SP110: variants seen among roughly 807,000 people sequenced by gnomAD.
SP110 encodes the protein interferon-induced protein 41, 30kD.
In SP110, 62 loss-of-function variants were observed where a neutral mutation model predicts 92.7. That is an observed-to-expected ratio of 0.67 (90% confidence interval 0.55 to 0.83). The LOEUF (loss-of-function observed/expected upper bound fraction) is 0.83, where lower values mean the gene tolerates loss of function less well. Among genes scored for constraint, SP110 ranks in the 40% least tolerant of loss-of-function variants. The pLI is 0.00. For missense variants in SP110, 793 were observed against 863.9 expected, an observed-to-expected ratio of 0.92 and a Z score of 1.03; for synonymous variants, 273 against 305.3, an observed-to-expected ratio of 0.89 and a Z score of 1.10.
chr2:230,212,287 C>T (rs540636383), intron 5 of SP110, 60 bp downstream of exon 5: 117 of 1,253,388 alleles, frequency 9.3e-5, no homozygotes, highest in South Asian at 8.4e-4. Context: ...GGTTGGCAGA[C>T]GCATGTTCTC....
In SP110 at chr2:230,170,773, A is replaced by G; in HGVS notation, c.1888-12T>C. The G allele has an allele frequency of 6.2e-7, 1 of 1,613,962 alleles. No homozygotes were observed. Among genetic ancestry groups the G allele is most frequent in the Non-Finnish European group, 8.5e-7 (1 of 1,179,914 alleles). ...CCGTAATCTCGAATCTTGGGGACAA[A>G]GCCACCAGAGGTGACGTTAGCACAG... On this transcript the variant is annotated splice_polypyrimidine_tract_variant and intron_variant, in intron 17 of 18. Transcript: ENST00000258381.
At position 230,211,451 on chromosome 2, in the gene SP110, T is replaced by C. The variant is rs180811113; in HGVS notation, c.751+19A>G. On this transcript the variant is annotated intron_variant, in intron 6 of 18. Coordinates refer to ENST00000258381, the MANE Select transcript of SP110 (RefSeq NM_080424.4). This position sits in a 1 kb window ranked among gnomAD's most constrained non-coding sequence, Gnocchi z 4.2. The stretch of plus-strand genomic sequence containing the variant: ...ACAGAAACAAAGGCAAGCTTTTAGG[T>C]TGACCAAACCAAGATTACCTGGCAT... The C allele has an allele frequency of 6.2e-5, 93 of 1,507,632 alleles. No homozygotes were observed. The highest frequency in any genetic ancestry group is 7.8e-5 in the Non-Finnish European group (84 of 1,083,006). 93.4% of individuals were successfully genotyped at this position (1,507,632 alleles called of 1,614,324 possible). A position where few individuals can be genotyped will look rare whatever the true frequency, so the allele number is the denominator to read the frequency against.
chr2:230,223,594 T>C (rs778126048), upstream of SP110, among the ~76,000 whole-genome samples: 1 of 152,224 alleles, frequency 6.6e-6, no homozygotes, highest in South Asian at 2.1e-4. Context: ...GGTTGAATTA[T>C]AGGCAAGAGA....
At position 230,178,232 on chromosome 2, in the gene SP110, C is replaced by A; in HGVS notation, c.1372G>T (p.Asp458Tyr). The A allele has an allele frequency of 6.2e-7, 1 of 1,612,342 alleles. No individual in the cohort carries two copies. The change falls in exon 13 of 19, where the codon GAT (aspartate) becomes TAT (tyrosine). Residue 458 changes from aspartate (D) to tyrosine (Y), a missense_variant. Transcript: ENST00000258381. ...ACGGGGAGCTTAGAACAGTGAAAAT[C>A]CACAGTGTCACTTTTGGGTTTTCCT... Reference protein sequence around the residue: ...RRGKPKSDTVDFHCSKLPVTC... With the variant: ...RRGKPKSDTVYFHCSKLPVTC...
intron 12 of SP110, among the ~76,000 whole-genome samples, chr2:230,179,269 C>T (rs1474724060): frequency 6.6e-6 from 1 of 152,080 alleles, no homozygotes; most frequent in African/African-American, 2.4e-5. Flanking sequence ...CCGACAGAAC[C>T]CTACAGGATG....
intron 11 of SP110, among the ~76,000 whole-genome samples, chr2:230,184,969 T>A (rs190636733): frequency 6.6e-6 from 1 of 152,336 alleles, no homozygotes; most frequent in East Asian, 1.9e-4. Context: ...TGTTTACGTA[T>A]TTGCCTCTGG....
At chr2:230,194,582 C>G (rs569138438) in intron 10 of SP110, among the ~76,000 whole-genome samples, 6 of 152,278 alleles carry the variant, frequency 3.9e-5, no homozygotes, top group Admixed American at 3.9e-4. Flanking sequence ...TCTTATTCTG[C>G]AAGTAACACA....
At chr2:230,216,706 T>G in intron 2 of SP110, 75 bp downstream of exon 2, 10 of 1,561,256 alleles carry the variant, frequency 6.4e-6, no homozygotes, top group East Asian at 2.3e-5. Context: ...CCCTGGTGGT[T>G]TGTGGTTTGA....
intron 14 of SP110, among the ~76,000 whole-genome samples, chr2:230,175,959 T>TTTTTTTTTTTTTTTTC (rs398042989): frequency 6.6e-6 from 1 of 151,054 alleles, no homozygotes; most frequent in African/African-American, 2.4e-5. Flanking sequence ...TTTTTTTTTT[T>TTTTTTTTTTTTTTTTC]CTGAGACAGG....
At chr2:230,207,714 T>G (rs528346317) in intron 8 of SP110, among the ~76,000 whole-genome samples, 1 of 152,330 alleles carries the variant, frequency 6.6e-6, no homozygotes, top group African/African-American at 2.4e-5. Flanking sequence ...GAATTGGCAC[T>G]CTTCTCTGCA....
intron 17 of SP110, 63 bp from the exon 18 acceptor site, chr2:230,170,824 T>C: frequency 6.6e-7 from 1 of 1,523,746 alleles, no homozygotes; most frequent in Non-Finnish European, 9.1e-7. Flanking sequence ...TGGATCCAAC[T>C]TAAATACAAT....
At chr2:230,221,149 C>T (rs183689972), upstream of SP110, among the ~76,000 whole-genome samples, 506 of 151,154 alleles carry the variant, frequency 3.3e-3, 5 homozygotes, top group African/African-American at 0.012. Context: ...GATGTGGTGG[C>T]GGGAACCTGT....
At chr2:230,216,681 T>C in intron 2 of SP110, 100 bp downstream of exon 2, 1 of 1,471,466 alleles carries the variant, frequency 6.8e-7, no homozygotes, top group Non-Finnish European at 9.5e-7. Context: ...GGCTGGGCCT[T>C]CCAAACTCTG....
In SP110 at chr2:230,165,792, C is replaced by A. The variant is rs1452706044; in HGVS notation, c.*3332G>T. 6.6e-6 allele frequency among the ~76,000 whole-genome samples: 1 copy of A among 151,486 alleles called. No individual in the cohort carries two copies. Among genetic ancestry groups the A allele is most frequent in the Non-Finnish European group, 1.5e-5 (1 of 67,938 alleles). On this transcript the variant is annotated 3_prime_UTR_variant, in exon 19 of 19. Coordinates refer to ENST00000258381, the MANE Select transcript of SP110 (RefSeq NM_080424.4). Reference sequence around the variant, plus strand: ...ATTGGAACTAAAAGCCGTTACGATGCCTTCCAAAATAGAAGGCAGAAGAAA... The same window carrying A: ...ATTGGAACTAAAAGCCGTTACGATGACTTCCAAAATAGAAGGCAGAAGAAA...
intron 10 of SP110, among the ~76,000 whole-genome samples, chr2:230,186,613 A>T (rs1394923262): frequency 6.6e-6 from 1 of 152,200 alleles, no homozygotes; most frequent in African/African-American, 2.4e-5. Flanking sequence ...TCGTCTGAGT[A>T]GTGTACATTG....
intron 10 of SP110, among the ~76,000 whole-genome samples, chr2:230,198,989 A>G (rs2043002947): frequency 6.6e-6 from 1 of 151,926 alleles, no homozygotes; most frequent in Non-Finnish European, 1.5e-5. Flanking sequence ...TGCTGGCTGG[A>G]CCTCAATAAA....
chr2:230,170,607 G>C lies in SP110; in HGVS notation c.2028+14C>G. On this transcript the variant is annotated intron_variant, in intron 18 of 18. Coordinates refer to ENST00000258381, the MANE Select transcript of SP110 (RefSeq NM_080424.4). ...TAGAAAAGACGCAAAAAGGAAGCAGGAAATGCTCTTTACCTTGTAAAATGT... is the reference window on the plus strand; with the variant it reads ...TAGAAAAGACGCAAAAAGGAAGCAGCAAATGCTCTTTACCTTGTAAAATGT... 1 of 1,614,038 alleles carries C rather than the reference G, an allele frequency of 6.2e-7. No homozygotes were observed. Among genetic ancestry groups the C allele is most frequent in the Non-Finnish European group, 8.5e-7 (1 of 1,179,960 alleles).
rs183626037 is a variant in SP110 at position 230,184,003 on chromosome 2, A to G, written c.1280-363T>C. On this transcript the variant is annotated intron_variant, in intron 11 of 18. Coordinates refer to ENST00000258381, the MANE Select transcript of SP110 (RefSeq NM_080424.4). ...ATGGGTAGTGCCCACCCCTGCAGAT[A>G]CTATGTTTCTTCAATCTGATAACCA... 3.0e-3 allele frequency among the ~76,000 whole-genome samples: 451 copies of G among 152,238 alleles called. 2 individuals are homozygous for G. Among genetic ancestry groups the G allele is most frequent in the Middle Eastern group, 6.8e-3 (2 of 294 alleles).
chr2:230,171,451 CAG>C, intron 17 of SP110: 1 of 543,052 alleles, frequency 1.8e-6, no homozygotes, highest in Non-Finnish European at 3.3e-6. Context: ...GAAGATGAAA[CAG>C]ATACACAGGA....
Sources: allele counts gnomAD v4.1 joint callset (sites outside exome capture counted in the v4.1 genomes callset), GRCh38; gene constraint gnomAD v4.1.1; non-coding constraint Gnocchi (gnomAD v3.1); transcripts MANE v1.5; gene names NCBI Gene and HGNC (gene_info 2026-07-23, HGNC 2026-07-21).